PTPRD: variants seen among roughly 807,000 people sequenced by gnomAD.
PTPRD encodes receptor-type tyrosine-protein phosphatase delta.
In PTPRD, 34 loss-of-function variants were observed where a neutral mutation model predicts 214.5. The observed-to-expected ratio is 0.16, with a 90% CI of 0.12 to 0.21. The LOEUF is 0.21. Ranked by LOEUF, PTPRD falls within the 10% of genes least tolerant of loss-of-function variation. PTPRD has a pLI of 1.00. For missense variants in PTPRD, 2,545 were observed against 2,398.7 expected (o/e 1.06, Z -1.27); for synonymous variants, 1,128 against 845.7 (o/e 1.33, Z -5.79).
intron 11 of PTPRD, among the ~76,000 whole-genome samples, chr9:8,821,702 G>A (rs2097068789): frequency 1.3e-5 from 2 of 152,182 alleles, no homozygotes; most frequent in South Asian, 4.1e-4. Context: ...GTCTCGCTCT[G>A]TTGCCCAGGC....
chr9:8,695,782 T>G (rs1036832172), intron 12 of PTPRD, among the ~76,000 whole-genome samples: 1 of 152,210 alleles, frequency 6.6e-6, no homozygotes, highest in African/African-American at 2.4e-5. Flanking sequence ...TGCTCCCTAC[T>G]TAAGAAAGCC....
chr9:9,572,315 T>C (rs2086693286), intron 8 of PTPRD, among the ~76,000 whole-genome samples: 1 of 151,386 alleles, frequency 6.6e-6, no homozygotes, highest in African/African-American at 2.4e-5. Flanking sequence ...CATAATTGGC[T>C]ATGGTTAGTT....
intron 3 of PTPRD, among the ~76,000 whole-genome samples, chr9:10,157,015 A>G (rs373567908): frequency 6.6e-6 from 1 of 152,280 alleles, no homozygotes; most frequent in East Asian, 1.9e-4. Flanking sequence ...TTTTGAGACT[A>G]TGAGTGTCAC....
intron 9 of PTPRD, among the ~76,000 whole-genome samples, chr9:9,240,280 T>C (rs1329194700): frequency 1.3e-5 from 2 of 152,212 alleles, no homozygotes; most frequent in Non-Finnish European, 1.5e-5. Flanking sequence ...TACTGACACA[T>C]TAATTACTAG....
chr9:9,847,057 TTA>T (rs1179604245), intron 5 of PTPRD, among the ~76,000 whole-genome samples: 2 of 152,138 alleles, frequency 1.3e-5, no homozygotes, highest in African/African-American at 4.8e-5. Flanking sequence ...CTGAATAGTT[TTA>T]GTTTTAAAAT....
intron 2 of PTPRD, among the ~76,000 whole-genome samples, chr9:10,446,409 A>ATTTT (rs1173941966): frequency 3.0e-5 from 3 of 98,684 alleles, no homozygotes; most frequent in African/African-American, 4.0e-5. Flanking sequence ...TATTAAAACT[A>ATTTT]TTTTTTTCTT....
At chr9:10,351,854 T>A (rs1176447071) in intron 2 of PTPRD, among the ~76,000 whole-genome samples, 1 of 152,020 alleles carries the variant, frequency 6.6e-6, no homozygotes, top group Non-Finnish European at 1.5e-5. Flanking sequence ...GATGGTACTT[T>A]GATAGTGAAA....
At chr9:8,360,184 G>A (rs766562296) in intron 39 of PTPRD, among the ~76,000 whole-genome samples, 1 of 152,184 alleles carries the variant, frequency 6.6e-6, no homozygotes, top group Non-Finnish European at 1.5e-5. Context: ...AAAGTAATTT[G>A]TGTCCCGTCA....
chr9:9,471,794 T>C (rs1438045445), intron 8 of PTPRD, among the ~76,000 whole-genome samples: 1 of 152,136 alleles, frequency 6.6e-6, no homozygotes, highest in African/African-American at 2.4e-5. Flanking sequence ...TTATATTTCA[T>C]GCAAAAATGC....
chr9:9,389,004 TA>T (rs1334326361), intron 9 of PTPRD, among the ~76,000 whole-genome samples: 13 of 152,274 alleles, frequency 8.5e-5, no homozygotes, highest in African/African-American at 3.1e-4. Flanking sequence ...CAGTTTGTAA[TA>T]GGAGTCTATG....
At chr9:10,452,180 T>A (rs1030633291) in intron 2 of PTPRD, among the ~76,000 whole-genome samples, 5 of 151,934 alleles carry the variant, frequency 3.3e-5, no homozygotes, top group African/African-American at 1.2e-4. Context: ...GCTTTGTACT[T>A]TATTGTGTAT....
chr9:9,855,023 TAAC>T (rs151211200), intron 5 of PTPRD, among the ~76,000 whole-genome samples: 5,179 of 152,214 alleles, frequency 0.034, 90 homozygotes, highest in Middle Eastern at 0.061. Context: ...ACAAATCCTA[TAAC>T]AACAACATAT....
At chr9:9,006,547 G>A (rs563252770) in intron 11 of PTPRD, among the ~76,000 whole-genome samples, 3 of 152,066 alleles carry the variant, frequency 2.0e-5, no homozygotes, top group Admixed American at 6.6e-5. Context: ...CTCTAAATTT[G>A]CAATTCCCAT....
chr9:10,163,578 T>G (rs369208145), intron 3 of PTPRD, among the ~76,000 whole-genome samples: 1 of 151,462 alleles, frequency 6.6e-6, no homozygotes. Flanking sequence ...TCCAAATTCA[T>G]GCTATCAGTT....
At chr9:10,277,934 G>A (rs545358573) in intron 3 of PTPRD, among the ~76,000 whole-genome samples, 18 of 152,180 alleles carry the variant, frequency 1.2e-4, no homozygotes, top group African/African-American at 2.9e-4. Flanking sequence ...TGAGGCGGGC[G>A]GATCATGAGG....
chr9:9,624,501 T>A (rs1244555150), intron 7 of PTPRD, among the ~76,000 whole-genome samples: 1 of 152,124 alleles, frequency 6.6e-6, no homozygotes, highest in Non-Finnish European at 1.5e-5. Flanking sequence ...TTGGCCAGGC[T>A]GGTCTCAAAC....
chr9:8,425,300 T>C (rs185176460), intron 35 of PTPRD, among the ~76,000 whole-genome samples: 19 of 152,320 alleles, frequency 1.2e-4, no homozygotes, highest in Admixed American at 1.0e-3. Context: ...CCTCAGGTAC[T>C]TGGAGTTTCA....
At chr9:9,436,476 A>T (rs2085302172) in intron 8 of PTPRD, among the ~76,000 whole-genome samples, 1 of 152,154 alleles carries the variant, frequency 6.6e-6, no homozygotes. Flanking sequence ...GCAAGAATTA[A>T]ACTCTCCCTA....
At chr9:9,631,167 G>A (rs1023273880) in intron 7 of PTPRD, among the ~76,000 whole-genome samples, 2 of 148,832 alleles carry the variant, frequency 1.3e-5, no homozygotes, top group Non-Finnish European at 3.0e-5. Flanking sequence ...AGCAGCTGTG[G>A]TACTCCTTAG....
Sources: gnomAD v4.1 joint callset for allele counts (sites outside exome capture counted in the v4.1 genomes callset) on GRCh38, gnomAD v4.1.1 for gene constraint, MANE v1.5 for transcripts, NCBI Gene and HGNC (gene_info 2026-07-23, HGNC 2026-07-21) for gene names.